MGST1: variants seen among roughly 807,000 people sequenced by gnomAD.
MGST1 encodes the protein glutathione S-transferase 12.
MGST1 carries 5 observed loss-of-function variants against 8.9 expected under a neutral mutation model. That is an observed-to-expected ratio of 0.56 (90% CI 0.29 to 1.19). The LOEUF (loss-of-function observed/expected upper bound fraction) is 1.19. Ranked by LOEUF, MGST1 falls within the 50% of genes most tolerant of loss-of-function variation. The pLI is 0.08. For missense variants in MGST1, 182 were observed against 187.4 expected (o/e 0.97, Z 0.17); for synonymous variants, 54 against 67.8 (o/e 0.80, Z 1.00).
downstream of MGST1, among the ~76,000 whole-genome samples, chr12:16,441,655 G>T (rs1319933780): frequency 1.3e-5 from 2 of 151,564 alleles, no homozygotes; most frequent in African/African-American, 4.8e-5. Flanking sequence ...GTCTTTTCAT[G>T]GCTTGAATAG....
chr12:16,592,566 C>T (rs1009973535), downstream of MGST1, among the ~76,000 whole-genome samples: 2 of 151,936 alleles, frequency 1.3e-5, no homozygotes, highest in African/African-American at 4.8e-5. Context: ...TTTTTCCATC[C>T]ACTTCCCTTA....
chr12:16,380,440 G>A (rs376105575), downstream of MGST1, among the ~76,000 whole-genome samples: 3 of 152,034 alleles, frequency 2.0e-5, no homozygotes, highest in Admixed American at 2.0e-4. Context: ...GTTTCCATGT[G>A]GTTGAGCGGT....
At chr12:16,380,521 T>C (rs1246040830), downstream of MGST1, among the ~76,000 whole-genome samples, 1 of 152,200 alleles carries the variant, frequency 6.6e-6, no homozygotes, top group African/African-American at 2.4e-5. Flanking sequence ...TTTGTTATAA[T>C]TTCTGTTCTT....
downstream of MGST1, among the ~76,000 whole-genome samples, chr12:16,591,190 T>C (rs549302896): frequency 1.3e-5 from 2 of 152,034 alleles, no homozygotes; most frequent in African/African-American, 2.4e-5. The surrounding 1 kb of genome is among the most constrained non-coding windows in gnomAD (Gnocchi z 4.1). Flanking sequence ...CCCCTCCTGC[T>C]CTCCCACACC....
intron 3 of MGST1, among the ~76,000 whole-genome samples, chr12:16,358,099 T>C (rs1264509756): frequency 6.6e-6 from 1 of 152,214 alleles, no homozygotes; most frequent in African/African-American, 2.4e-5. Flanking sequence ...GTTGACACTC[T>C]GGAGGAGTAG....
intron 4 of MGST1, among the ~76,000 whole-genome samples, chr12:16,477,889 G>A (rs1256509409): frequency 6.6e-6 from 1 of 152,200 alleles, no homozygotes; most frequent in Non-Finnish European, 1.5e-5. Context: ...TATTAGCTGA[G>A]TTTAATGATA....
At chr12:16,453,677 A>G (rs1334356545) in intron 4 of MGST1, among the ~76,000 whole-genome samples, 1 of 151,940 alleles carries the variant, frequency 6.6e-6, no homozygotes, top group African/African-American at 2.4e-5. Context: ...ACAGTGAGGA[A>G]GTGTCTGTTC....
chr12:16,352,490 T>C (rs1254133480), intron 1 of MGST1, among the ~76,000 whole-genome samples: 1 of 152,166 alleles, frequency 6.6e-6, no homozygotes, highest in Non-Finnish European at 1.5e-5. Flanking sequence ...AGAAAAGTTG[T>C]GTGTGTTCTG....
At chr12:16,528,857 G>C (rs375412399) in intron 4 of MGST1, among the ~76,000 whole-genome samples, 7 of 152,174 alleles carry the variant, frequency 4.6e-5, no homozygotes, top group African/African-American at 1.7e-4. Flanking sequence ...GGCTAGAAGG[G>C]TGAATGCCAT....
rs1450313824 is a variant in MGST1 at position 16,589,203 on chromosome 12, A to G, written n.483-325A>G. Among the ~76,000 whole-genome samples, 1 of 152,110 alleles carries G rather than the reference A, an allele frequency of 6.6e-6. No homozygotes were observed. The highest frequency in any genetic ancestry group is 2.4e-5 in the African/African-American group (1 of 41,438). ...GAACTCATGTAACTTTTTATTTTTTAATGAAGTGATATTCACAGAAGATTA... is the reference window on the plus strand; with the variant it reads ...GAACTCATGTAACTTTTTATTTTTTGATGAAGTGATATTCACAGAAGATTA... On this transcript the variant is annotated intron_variant and non_coding_transcript_variant, in intron 4 of 4. Transcript: ENST00000538857. This position sits in a 1 kb window ranked among gnomAD's most constrained non-coding sequence, Gnocchi z 4.2.
At chr12:16,390,189 C>T (rs893307028) in intron 1 of MGST1, among the ~76,000 whole-genome samples, 1 of 149,970 alleles carries the variant, frequency 6.7e-6, no homozygotes, top group Non-Finnish European at 1.5e-5. Flanking sequence ...AATTTGAGGG[C>T]ACCTCAGGGG....
At chr12:16,476,154 G>T (rs2137139380) in intron 4 of MGST1, among the ~76,000 whole-genome samples, 1 of 152,230 alleles carries the variant, frequency 6.6e-6, no homozygotes, top group Non-Finnish European at 1.5e-5. Context: ...AGGGAATGCA[G>T]CCAAAGACTA....
rs1555104768 is a variant in MGST1, at chr12:16,454,902, A to AAAAAAAAAAAAAAAG, written n.482+71300_482+71301insAAAAAAAAAAAAGAA. Among the ~76,000 whole-genome samples the AAAAAAAAAAAAAAAG allele has an allele frequency of 1.6e-4, 20 of 125,986 alleles. 5 individuals are homozygous for AAAAAAAAAAAAAAAG. The highest frequency in any genetic ancestry group is 5.5e-4 in the African/African-American group (17 of 30,920). The allele number at this position is 125,986 out of a possible 152,430, so 82.7% of individuals were successfully genotyped here. A position where few individuals can be genotyped will look rare whatever the true frequency, so the allele number is the denominator to read the frequency against. ...AAAAAAAAAAAAAAAAAAAAAAAAA[A>AAAAAAAAAAAAAAAG]AAGGAGATGGGAAGATTTGAGGAGA... is the stretch of plus-strand genomic sequence containing the variant. On this transcript the variant is annotated intron_variant and non_coding_transcript_variant, in intron 4 of 4. Coordinates refer to the MGST1 transcript ENST00000538857.
chr12:16,356,517 A>G (rs1939722370), intron 2 of MGST1, among the ~76,000 whole-genome samples: 1 of 152,112 alleles, frequency 6.6e-6, no homozygotes, highest in African/African-American at 2.4e-5. Context: ...CTCTAATATA[A>G]TGTTCATATC....
intron 4 of MGST1, among the ~76,000 whole-genome samples, chr12:16,580,450 T>C (rs1175443638): frequency 6.6e-6 from 1 of 152,192 alleles, no homozygotes; most frequent in Non-Finnish European, 1.5e-5. Context: ...ATGTTCAAGA[T>C]TAAGAGAAAC....
At chr12:16,436,071 C>G (rs1361770924) in intron 1 of MGST1, among the ~76,000 whole-genome samples, 1 of 151,708 alleles carries the variant, frequency 6.6e-6, no homozygotes, top group East Asian at 1.9e-4. Context: ...ATTTGAGCTT[C>G]TAATCAGTGA....
intron 1 of MGST1, among the ~76,000 whole-genome samples, chr12:16,394,877 G>T (rs571136524): frequency 2.0e-5 from 3 of 152,012 alleles, no homozygotes; most frequent in African/African-American, 7.2e-5. Flanking sequence ...GATTACAGGT[G>T]TGAACAACTG....
chr12:16,585,099 G>T lies in MGST1; in HGVS notation n.483-4429G>T, dbSNP rs949023140. 1.3e-5 allele frequency among the ~76,000 whole-genome samples: 2 copies of T among 152,100 alleles called. No homozygotes were observed. The highest frequency in any genetic ancestry group is 2.9e-5 in the Non-Finnish European group (2 of 68,028). On this transcript the variant is annotated intron_variant and non_coding_transcript_variant, in intron 4 of 4. Coordinates refer to the MGST1 transcript ENST00000538857. The surrounding 1 kb of genome is among the most constrained non-coding windows in gnomAD (Gnocchi z 4.7). ...AATCAGCAACATTAGGCCCACATTC[G>T]TACAGTGTGCTGGAATTAAGTCATG... is the stretch of plus-strand genomic sequence containing the variant.
chr12:16,556,133 A>G (rs976585395), intron 4 of MGST1, among the ~76,000 whole-genome samples: 8 of 152,332 alleles, frequency 5.3e-5, no homozygotes, highest in South Asian at 2.1e-4. Context: ...TAATTGTTAC[A>G]TAATTTTACA....
Sources: allele counts gnomAD v4.1 joint callset (sites outside exome capture counted in the v4.1 genomes callset), GRCh38; gene constraint gnomAD v4.1.1; non-coding constraint Gnocchi (gnomAD v3.1); transcripts MANE v1.5; gene names NCBI Gene and HGNC (gene_info 2026-07-23, HGNC 2026-07-21).